KIAA0586: variants seen among roughly 807,000 people sequenced by gnomAD.
KIAA0586 encodes protein TALPID3.
Under a neutral mutation model 169.8 loss-of-function variants are expected in KIAA0586, and 144 were observed. That is an observed-to-expected ratio of 0.85 (90% CI 0.74 to 0.97). KIAA0586 has a LOEUF of 0.97. Ranked by LOEUF, KIAA0586 falls within the 50% of genes least tolerant of loss-of-function variation. The probability of loss-of-function intolerance (pLI) is 0.00; values close to 1 mark genes in which losing one functional copy is unlikely to be tolerated. For missense variants in KIAA0586, 1,854 were observed against 1,823.0 expected (o/e 1.02, Z -0.31); for synonymous variants, 625 against 612.4 (o/e 1.02, Z -0.30).
Position 58,432,435 on chromosome 14 carries a change from C to A in KIAA0586, c.388C>A (p.Leu130Ile). Residue 130 changes from leucine (L) to isoleucine (I), a missense_variant, in exon 4 of 31, where the codon CTA becomes ATA. Leu to Ile is a conservative substitution (Grantham distance 5, BLOSUM62 2). Coordinates refer to ENST00000652326, the MANE Select transcript of KIAA0586 (RefSeq NM_001329943.3). ...GTATACAATGGGACAGAAAGATGCTCTAAGAACAGTTTTAAAGCAAAAGTA... is the reference window on the plus strand; with the variant it reads ...GTATACAATGGGACAGAAAGATGCTATAAGAACAGTTTTAAAGCAAAAGTA... ...SQYTMGQKDA[L>I]RTVLKQKAQS... is the part of the protein sequence containing the mutation. The A allele has an allele frequency of 6.4e-7, 1 of 1,567,468 alleles. No homozygotes were observed. The highest frequency in any genetic ancestry group is 1.2e-5 in the South Asian group (1 of 83,442).
chr14:58,515,205 G>T (rs1032973586), intron 29 of KIAA0586, among the ~76,000 whole-genome samples: 23 of 151,968 alleles, frequency 1.5e-4, no homozygotes, highest in African/African-American at 5.5e-4. Context: ...AATCACAGCA[G>T]TTTTTAGTTT....
At position 58,550,878 on chromosome 14, in the gene KIAA0586, T is replaced by C. The variant is rs1404084949; in HGVS notation, c.*2946T>C. ...TTGCTGAGCTATCATGCCTTAACAC[T>C]AGGTAACGTGTTTAAAATGTTCCTT... On this transcript the variant is annotated 3_prime_UTR_variant, in exon 31 of 31. Transcript: ENST00000652326. 1 of 150,164 alleles carries C rather than the reference T, an allele frequency of 6.7e-6. No homozygotes were observed. The highest frequency in any genetic ancestry group is 1.5e-5 in the Non-Finnish European group (1 of 67,774). The allele number at this position is 150,164 out of a possible 1,614,324, so 9.3% of individuals were successfully genotyped here.
intron 4 of KIAA0586, chr14:58,439,843 G>C: frequency 2.0e-6 from 2 of 984,412 alleles, no homozygotes; most frequent in Non-Finnish European, 2.4e-6. Flanking sequence ...GCTGGAGATG[G>C]AATGTATTCC....
At chr14:58,531,033 G>T (rs145013371) in intron 29 of KIAA0586, among the ~76,000 whole-genome samples, 1 of 152,060 alleles carries the variant, frequency 6.6e-6, no homozygotes, top group African/African-American at 2.4e-5. Context: ...CAAAGGGGCC[G>T]GGTGCAGTGG....
intron 15 of KIAA0586, among the ~76,000 whole-genome samples, 181 bp from the exon 16 acceptor site, chr14:58,467,554 G>T (rs2040863981): frequency 6.6e-6 from 1 of 152,194 alleles, no homozygotes; most frequent in Admixed American, 6.5e-5. Context: ...ACATATAAGT[G>T]CTTAATAAAA....
At chr14:58,541,734 A>AT (rs1331300697) in intron 30 of KIAA0586, among the ~76,000 whole-genome samples, 1 of 152,242 alleles carries the variant, frequency 6.6e-6, no homozygotes, top group Non-Finnish European at 1.5e-5. Flanking sequence ...AAAAATTGGA[A>AT]TTTCAAATGT....
chr14:58,501,864 A>C (rs985972577), intron 27 of KIAA0586, among the ~76,000 whole-genome samples: 7 of 152,210 alleles, frequency 4.6e-5, no homozygotes, highest in Admixed American at 2.0e-4. Flanking sequence ...TTATTATTTC[A>C]CAGAACTCTG....
Position 58,528,139 on chromosome 14 carries a change from G to A in KIAA0586, c.4430-11932G>A, listed in dbSNP as rs192317440. Among the ~76,000 whole-genome samples, 198 of 152,218 alleles carry A rather than the reference G, an allele frequency of 1.3e-3. 1 individual carries two copies. Among genetic ancestry groups the A allele is most frequent in the African/African-American group, 4.2e-3 (174 of 41,532 alleles). On this transcript the variant is annotated intron_variant, in intron 29 of 30. Coordinates refer to ENST00000652326, the MANE Select transcript of KIAA0586 (RefSeq NM_001329943.3). The stretch of plus-strand genomic sequence containing the variant: ...TACGTAATGGTAAAGGGATCAATGC[G>A]ACAAGAAGAGCTAACTATCCTAAAT...
chr14:58,458,339 C>T, intron 11 of KIAA0586, 134 bp from the exon 12 acceptor site: 1 of 615,596 alleles, frequency 1.6e-6, no homozygotes, highest in East Asian at 3.1e-5. Flanking sequence ...ATTCTACTAT[C>T]CTAATATCCT....
chr14:58,429,710 G>A (rs1252619147), intron 2 of KIAA0586, among the ~76,000 whole-genome samples: 3 of 152,090 alleles, frequency 2.0e-5, no homozygotes, highest in African/African-American at 7.2e-5. Context: ...TCAGGGAAAA[G>A]GTGTTCTTGC....
the KIAA0586 span, among the ~76,000 whole-genome samples, chr14:58,561,643 T>A: frequency 6.6e-6 from 1 of 152,206 alleles, no homozygotes. Context: ...TTAATTAAGA[T>A]ATAGAGAAGT....
intron 21 of KIAA0586, among the ~76,000 whole-genome samples, chr14:58,486,265 C>G (rs2042430559): frequency 1.3e-5 from 2 of 152,140 alleles, no homozygotes; most frequent in Non-Finnish European, 2.9e-5. Context: ...ATCCATGTTG[C>G]TGCAAACGAC....
Position 58,457,339 on chromosome 14 carries a change from G to A in KIAA0586, c.1363-420G>A, listed in dbSNP as rs373320649. On this transcript the variant is annotated intron_variant, in intron 10 of 30. Coordinates refer to ENST00000652326, the MANE Select transcript of KIAA0586 (RefSeq NM_001329943.3). ...GCTGGAGTGCAAGGGTGCAATCTCG[G>A]CTTACTGCAACCTCCACCTCCCGGT... is the stretch of plus-strand genomic sequence containing the variant. Among the ~76,000 whole-genome samples the A allele has an allele frequency of 2.6e-5, 4 of 152,098 alleles. 1 individual carries two copies.
At position 58,524,376 on chromosome 14, in the gene KIAA0586, C is replaced by T. The variant is rs1371248415; in HGVS notation, c.4429+11749C>T. ...ATTGTTAGTCTCTAATACAGTATTCCTCAAACTTTAACAGACATAGAATTC... is the reference window on the plus strand; with the variant it reads ...ATTGTTAGTCTCTAATACAGTATTCTTCAAACTTTAACAGACATAGAATTC... On this transcript the variant is annotated intron_variant, in intron 29 of 30. Transcript: ENST00000652326. 3.9e-5 allele frequency among the ~76,000 whole-genome samples: 6 copies of T among 152,246 alleles called. No homozygotes were observed. In the South Asian group the frequency reaches 1.0e-3, roughly 26 times the overall value.
intron 29 of KIAA0586, among the ~76,000 whole-genome samples, chr14:58,536,473 A>G (rs1271161850): frequency 1.3e-5 from 2 of 152,208 alleles, no homozygotes; most frequent in Non-Finnish European, 2.9e-5. Flanking sequence ...TGGAAAGGAC[A>G]TGATTTCATT....
chr14:58,514,250 A>G (rs1478643271), intron 29 of KIAA0586, among the ~76,000 whole-genome samples: 1 of 151,982 alleles, frequency 6.6e-6, no homozygotes, highest in Non-Finnish European at 1.5e-5. Context: ...ACATTGCCAA[A>G]TGTTGCAGAA....
At chr14:58,489,252 C>G (rs533735366) in intron 24 of KIAA0586, among the ~76,000 whole-genome samples, 1 of 116,862 alleles carries the variant, frequency 8.6e-6, no homozygotes, top group Admixed American at 1.1e-4. Flanking sequence ...GACAGGTTCT[C>G]ACTGTCATGC....
At chr14:58,431,861 C>A (rs1442510165) in intron 3 of KIAA0586, among the ~76,000 whole-genome samples, 1 of 152,036 alleles carries the variant, frequency 6.6e-6, no homozygotes, top group Non-Finnish European at 1.5e-5. Context: ...TTCTTGATTT[C>A]ATTCTCAGCT....
In KIAA0586 at chr14:58,486,313, A is replaced by G. The variant is rs530797436; in HGVS notation, c.3145-694A>G. On this transcript the variant is annotated intron_variant, in intron 21 of 30. Coordinates refer to ENST00000652326, the MANE Select transcript of KIAA0586 (RefSeq NM_001329943.3). ...CTTTTTTATGGCTGTGTAGTATTCC[A>G]TGGTTTATGTGTACCACATTTTCTT... Among the ~76,000 whole-genome samples, 18 of 152,184 alleles carry G rather than the reference A, an allele frequency of 1.2e-4. No homozygotes were observed. In the East Asian group the frequency reaches 1.9e-3, roughly 16 times the overall value.
Sources: allele counts gnomAD v4.1 joint callset (sites outside exome capture counted in the v4.1 genomes callset), GRCh38; gene constraint gnomAD v4.1.1; transcripts MANE v1.5; gene names NCBI Gene and HGNC (gene_info 2026-07-23, HGNC 2026-07-21).